ATF7IP2: variants seen among roughly 807,000 people sequenced by gnomAD.
ATF7IP2 encodes activating transcription factor 7 interacting protein 2, also known as activating transcription factor 7-interacting protein 2.
In ATF7IP2, 42 loss-of-function variants were observed where a neutral mutation model predicts 64.2. That is an observed-to-expected ratio of 0.65 (90% CI 0.51 to 0.85). The LOEUF is 0.85. ATF7IP2 is among the 40% of genes least tolerant of loss of function. The pLI, the probability that ATF7IP2 is intolerant of heterozygous loss-of-function variation, is 0.00. For synonymous variants in ATF7IP2, 308 were observed against 272.8 expected (o/e 1.13, Z -1.27); for missense variants, 933 against 784.2 (o/e 1.19, Z -2.27).
chr16:10,394,484 C>G (rs1450132492), intron 1 of ATF7IP2, among the ~76,000 whole-genome samples: 1 of 152,154 alleles, frequency 6.6e-6, no homozygotes. Context: ...CTGAGGAAAT[C>G]AGTGAGACAA....
chr16:10,468,798 A>G (rs1007812322), intron 9 of ATF7IP2, among the ~76,000 whole-genome samples: 8 of 152,216 alleles, frequency 5.3e-5, no homozygotes, highest in African/African-American at 1.9e-4. Flanking sequence ...TAGAAGTCAT[A>G]CATCTTGTTT....
intron 1 of ATF7IP2, among the ~76,000 whole-genome samples, chr16:10,413,092 G>A (rs1567435830): frequency 6.6e-6 from 1 of 152,118 alleles, no homozygotes; most frequent in Non-Finnish European, 1.5e-5. Context: ...GGAGATAGTT[G>A]GTTTGTGAAT....
At chr16:10,418,872 T>C (rs1030150083) in intron 2 of ATF7IP2, among the ~76,000 whole-genome samples, 1 of 152,196 alleles carries the variant, frequency 6.6e-6, no homozygotes, top group Non-Finnish European at 1.5e-5. Context: ...TTCCAGATAA[T>C]AGGAACTCTT....
intron 12 of ATF7IP2, among the ~76,000 whole-genome samples, chr16:10,480,049 C>T (rs1446177203): frequency 5.2e-5 from 7 of 135,922 alleles, no homozygotes; most frequent in Admixed American, 4.1e-4. Context: ...AATGCAGTGG[C>T]TTGATCTTGG....
At chr16:10,421,633 G>A (rs1003382712) in intron 3 of ATF7IP2, among the ~76,000 whole-genome samples, 12 of 152,194 alleles carry the variant, frequency 7.9e-5, no homozygotes, top group African/African-American at 2.9e-4. Flanking sequence ...CAGGAGCTAT[G>A]ATTAAACCAG....
chr16:10,482,084 G>T lies in ATF7IP2; in HGVS notation c.1884G>T (p.Lys628Asn). The T allele has an allele frequency of 6.2e-7, 1 of 1,614,096 alleles. No individual in the cohort carries two copies. Among genetic ancestry groups the T allele is most frequent in the Non-Finnish European group, 8.5e-7 (1 of 1,179,992 alleles). The change falls in exon 14 of 14, where the codon AAG (lysine) becomes AAT (asparagine). Residue 628 changes from lysine to asparagine, a missense_variant. Physicochemically the swap from Lys to Asn is moderately conservative, Grantham distance 94 (BLOSUM62 0). Coordinates refer to ENST00000562102, the MANE Select transcript of ATF7IP2 (RefSeq NM_001393719.1). The stretch of plus-strand genomic sequence containing the variant: ...CTAATAATAAGTTGATTTGGAAGAA[G>T]ATTGGAGAAATTAAAGCTTTACCAC... ...ENSNNKLIWK[K>N]IGEIKALPLP... is the part of the protein sequence containing the mutation.
intron 1 of ATF7IP2, among the ~76,000 whole-genome samples, chr16:10,403,703 A>G (rs73512987): frequency 6.6e-6 from 1 of 152,360 alleles, no homozygotes; most frequent in African/African-American, 2.4e-5. Context: ...ACCCATACAA[A>G]GAAGTCAGAA....
chr16:10,470,394 G>C (rs916473568), intron 9 of ATF7IP2, among the ~76,000 whole-genome samples: 1 of 152,104 alleles, frequency 6.6e-6, no homozygotes, highest in African/African-American at 2.4e-5. Flanking sequence ...TAAGTGGTGA[G>C]ATATGTAACT....
At chr16:10,477,638 G>A (rs936076701) in intron 12 of ATF7IP2, among the ~76,000 whole-genome samples, 10 of 152,014 alleles carry the variant, frequency 6.6e-5, no homozygotes, top group Non-Finnish European at 1.0e-4. Flanking sequence ...AGTGTTGGAA[G>A]TTCTGGCCAG....
At chr16:10,438,079 G>T in intron 6 of ATF7IP2, 22 bp from the exon 7 acceptor site, 1 of 1,511,686 alleles carries the variant, frequency 6.6e-7, no homozygotes, top group South Asian at 1.3e-5. Flanking sequence ...AGGGTGTTTT[G>T]GTTTTTATTT....
chr16:10,438,783 G>A (rs868133537), intron 7 of ATF7IP2, among the ~76,000 whole-genome samples: 2 of 152,144 alleles, frequency 1.3e-5, no homozygotes, highest in Non-Finnish European at 2.9e-5. Context: ...GGCCAGGCGC[G>A]ATGGCTCATG....
At chr16:10,470,105 C>G (rs939263280) in intron 9 of ATF7IP2, among the ~76,000 whole-genome samples, 1 of 152,046 alleles carries the variant, frequency 6.6e-6, no homozygotes, top group African/African-American at 2.4e-5. Context: ...GACTGACAGA[C>G]ATTGTAAATA....
At chr16:10,400,067 G>A (rs1001776269) in intron 1 of ATF7IP2, among the ~76,000 whole-genome samples, 1 of 152,086 alleles carries the variant, frequency 6.6e-6, no homozygotes, top group African/African-American at 2.4e-5. Flanking sequence ...TTGAGAGAGA[G>A]TCTTACTCTG....
chr16:10,454,951 G>A (rs1471057487), intron 8 of ATF7IP2, among the ~76,000 whole-genome samples: 2 of 152,106 alleles, frequency 1.3e-5, no homozygotes, highest in Non-Finnish European at 2.9e-5. Context: ...CTTAAATTTT[G>A]AAAGTTAAAC....
At chr16:10,429,226 A>G (rs1307839823) in intron 4 of ATF7IP2, among the ~76,000 whole-genome samples, 1 of 152,252 alleles carries the variant, frequency 6.6e-6, no homozygotes. Context: ...AATTGTATTC[A>G]TGAAGAGACA....
chr16:10,438,011 C>A, intron 6 of ATF7IP2, 90 bp from the exon 7 acceptor site: 1 of 990,236 alleles, frequency 1.0e-6, no homozygotes, highest in Non-Finnish European at 1.4e-6. Flanking sequence ...TACAGTAAAT[C>A]TGGAAAAGAG....
chr16:10,417,726 C>T (rs2047907748), intron 2 of ATF7IP2, among the ~76,000 whole-genome samples: 1 of 152,158 alleles, frequency 6.6e-6, no homozygotes, highest in South Asian at 2.1e-4. Flanking sequence ...AAACAGTCTT[C>T]TCCAAGAATA....
intron 9 of ATF7IP2, 93 bp downstream of exon 9, chr16:10,457,622 A>C: frequency 2.2e-6 from 2 of 903,846 alleles, no homozygotes; most frequent in Non-Finnish European, 3.3e-6. Flanking sequence ...AATATTGATT[A>C]TTCTTAACAT....
In ATF7IP2 at chr16:10,468,674, A is replaced by G. The variant is rs62027483; in HGVS notation, c.1353-3436A>G. 1.6e-3 allele frequency among the ~76,000 whole-genome samples: 237 copies of G among 152,324 alleles called. 1 individual carries two copies. Among genetic ancestry groups the G allele is most frequent in the Non-Finnish European group, 2.7e-3 (185 of 68,028 alleles). Reference sequence around the variant, plus strand: ...AGAAAAAAATTCAGATAGAGCTCTGAAGATCTGCAAAGGGGCCTTGAAATA... The same window carrying G: ...AGAAAAAAATTCAGATAGAGCTCTGGAGATCTGCAAAGGGGCCTTGAAATA... On this transcript the variant is annotated intron_variant, in intron 9 of 13. Transcript: ENST00000562102.
Sources: gnomAD v4.1 joint callset for allele counts (sites outside exome capture counted in the v4.1 genomes callset) on GRCh38, gnomAD v4.1.1 for gene constraint, MANE v1.5 for transcripts, NCBI Gene and HGNC (gene_info 2026-07-23, HGNC 2026-07-21) for gene names.